DAPK1: variants seen among roughly 807,000 people sequenced by gnomAD.
The protein encoded by DAPK1 is death-associated protein kinase 1.
Under a neutral mutation model 144.9 loss-of-function variants are expected in DAPK1, and 56 were observed. The observed-to-expected ratio is 0.39, with a 90% confidence interval of 0.31 to 0.48. The LOEUF is 0.48. Ranked by LOEUF, DAPK1 falls within the 20% of genes least tolerant of loss-of-function variation. The pLI is 0.95. For synonymous variants in DAPK1, 690 were observed against 749.0 expected (o/e 0.92, Z 1.29); for missense variants, 1,454 against 1,875.4 (o/e 0.78, Z 4.15).
rs756576358 is a variant in DAPK1, at chr9:87,706,525, C to T, written c.3454C>T (p.Leu1152=). The T allele has an allele frequency of 6.2e-7, 1 of 1,614,082 alleles. No homozygotes were observed. Among genetic ancestry groups the T allele is most frequent in the Non-Finnish European group, 8.5e-7 (1 of 1,179,888 alleles). ...CATCTTTCACAAGGTCCAGGTGAAC[C>T]TGTGCCGGTGGATCCACCAGCAAAG... ...CGIFHKVQVN[L]CRWIHQQSTE... The change falls in exon 26 of 26, where the codon CTG becomes TTG. Residue 1152 remains leucine, a synonymous_variant. Transcript: ENST00000408954. The surrounding 1 kb of genome is among the most constrained non-coding windows in gnomAD (Gnocchi z 9.0).
chr9:87,698,290 G>T (rs533297596), intron 22 of DAPK1: 120 of 181,500 alleles, frequency 6.6e-4, no homozygotes, highest in African/African-American at 2.7e-3. Context: ...TCTCTGTGGT[G>T]TTGCTGCACT....
intron 2 of DAPK1, among the ~76,000 whole-genome samples, chr9:87,517,582 A>C (rs1026467210): frequency 1.3e-5 from 2 of 152,172 alleles, no homozygotes; most frequent in East Asian, 3.9e-4. Flanking sequence ...TCAGAATTAC[A>C]AAATCCTGAA....
intron 4 of DAPK1, 143 bp downstream of exon 4, chr9:87,638,224 G>A (rs1456108767): frequency 5.8e-6 from 5 of 868,320 alleles, no homozygotes; most frequent in Non-Finnish European, 8.5e-6. Flanking sequence ...ACTATAAATC[G>A]GCAAGCATAG....
chr9:87,578,375 A>T (rs1160409975), intron 2 of DAPK1, among the ~76,000 whole-genome samples: 1 of 152,236 alleles, frequency 6.6e-6, no homozygotes, highest in Non-Finnish European at 1.5e-5. Context: ...ATGTAGATTT[A>T]TCATAATTAG....
chr9:87,536,720 T>C (rs1825873312), intron 2 of DAPK1, among the ~76,000 whole-genome samples: 1 of 152,204 alleles, frequency 6.6e-6, no homozygotes, highest in Non-Finnish European at 1.5e-5. Flanking sequence ...TGCGTATTTA[T>C]AGCTACTTTT....
chr9:87,508,200 C>T (rs1468200159), intron 2 of DAPK1, among the ~76,000 whole-genome samples: 6 of 151,352 alleles, frequency 4.0e-5, no homozygotes, highest in South Asian at 2.1e-4. Flanking sequence ...TTAGTAGAGA[C>T]GGGGTTTCAC....
intron 11 of DAPK1, among the ~76,000 whole-genome samples, chr9:87,644,230 T>C (rs776357768): frequency 2.6e-4 from 39 of 152,206 alleles, no homozygotes; most frequent in Admixed American, 6.5e-4. Flanking sequence ...TAATCCAAAC[T>C]GAAACCTAAT....
intron 19 of DAPK1, among the ~76,000 whole-genome samples, chr9:87,676,543 G>A (rs1824390697): frequency 6.6e-6 from 1 of 152,246 alleles, no homozygotes; most frequent in South Asian, 2.1e-4. Context: ...AGATTTTCTT[G>A]TGAAGGGAAA....
At chr9:87,585,028 C>G (rs1018786699) in intron 2 of DAPK1, among the ~76,000 whole-genome samples, 33 of 152,152 alleles carry the variant, frequency 2.2e-4, no homozygotes, top group Non-Finnish European at 1.5e-5. Flanking sequence ...ATTTTAAAAT[C>G]AGGTTATTTG....
intron 2 of DAPK1, among the ~76,000 whole-genome samples, chr9:87,545,540 C>G (rs1826216323): frequency 6.6e-6 from 1 of 152,092 alleles, no homozygotes; most frequent in Non-Finnish European, 1.5e-5. Flanking sequence ...TGAGGCATTT[C>G]AGCTTTAAAA....
intron 2 of DAPK1, among the ~76,000 whole-genome samples, chr9:87,539,864 C>T (rs1403276571): frequency 1.3e-5 from 2 of 152,068 alleles, no homozygotes; most frequent in East Asian, 3.9e-4. Context: ...CACTCAGGAG[C>T]CCTCTGCGTA....
At chr9:87,508,007 T>C (rs541169162) in intron 2 of DAPK1, among the ~76,000 whole-genome samples, 3 of 152,366 alleles carry the variant, frequency 2.0e-5, no homozygotes, top group Admixed American at 1.3e-4. Context: ...CTTTTGAAAC[T>C]GTATAAACTT....
In DAPK1 at chr9:87,708,153, A is replaced by T; in HGVS notation, c.*789A>T. Reference sequence around the variant, plus strand: ...ACATTTTTCCGTTTGCTTTTGTTCCAATGTCAATGTGAACGTCCACATGAA... The same window carrying T: ...ACATTTTTCCGTTTGCTTTTGTTCCTATGTCAATGTGAACGTCCACATGAA... On this transcript the variant is annotated 3_prime_UTR_variant, in exon 26 of 26. Coordinates refer to ENST00000408954, the MANE Select transcript of DAPK1 (RefSeq NM_004938.4). The T allele has an allele frequency of 4.0e-6, 1 of 252,818 alleles. No homozygotes were observed. The highest frequency in any genetic ancestry group is 7.8e-6 in the Non-Finnish European group (1 of 128,066). The allele number at this position is 252,818 out of a possible 1,614,324, so 15.7% of individuals were successfully genotyped here.
At chr9:87,692,942 A>C (rs1825114521) in intron 21 of DAPK1, among the ~76,000 whole-genome samples, 1 of 102,734 alleles carries the variant, frequency 9.7e-6, no homozygotes. Flanking sequence ...TTCCCTTGTA[A>C]GTGACTAGAC....
At chr9:87,633,407 G>C (rs1829782714) in intron 3 of DAPK1, 1 of 984,884 alleles carries the variant, frequency 1.0e-6, no homozygotes. Context: ...CAGTTGATAA[G>C]TCCTGACCTA....
At chr9:87,590,085 C>T (rs1002628916) in intron 2 of DAPK1, among the ~76,000 whole-genome samples, 13 of 152,084 alleles carry the variant, frequency 8.5e-5, no homozygotes, top group African/African-American at 2.7e-4. Context: ...TGATTCTTGA[C>T]GTTTTCTAGG....
chr9:87,695,949 C>T lies in DAPK1; in HGVS notation c.2414-1058C>T, dbSNP rs140969797. Among the ~76,000 whole-genome samples the T allele has an allele frequency of 1.6e-3, 237 of 152,246 alleles. 5 individuals carry two copies. In the Middle Eastern group the frequency reaches 0.034, roughly 22 times the overall value. On this transcript the variant is annotated intron_variant, in intron 21 of 25. Coordinates refer to ENST00000408954, the MANE Select transcript of DAPK1 (RefSeq NM_004938.4). ...AAACCTAATGTGGGCAGTTTGTCCC[C>T]GGCTCCTTCCTTGTCAGGAGTAAAT...
Position 87,641,979 on chromosome 9 carries a change from C to T in DAPK1, c.839C>T (p.Thr280Ile), listed in dbSNP as rs1199953454. The change falls in exon 10 of 26, where the codon ACA becomes ATA. Residue 280 changes from threonine to isoleucine, a missense_variant. Transcript: ENST00000408954. The part of the protein sequence containing the change: ...LQHPWIKPKD[T>I]QQALSRKASA... ...GGATTTTTATTTTAGCCTAAAGATA[C>T]ACAACAGGCACTTAGTAGAAAAGCA... 1.9e-6 allele frequency: 3 copies of T among 1,611,560 alleles called. No homozygotes were observed. Among genetic ancestry groups the T allele is most frequent in the Middle Eastern group, 3.3e-4 (2 of 6,048 alleles).
intron 16 of DAPK1, among the ~76,000 whole-genome samples, chr9:87,650,948 A>G (rs558797663): frequency 3.9e-5 from 6 of 152,186 alleles, no homozygotes; most frequent in Admixed American, 6.5e-5. Flanking sequence ...GAAATGTTTC[A>G]GAACTCTCCA....
Sources: allele counts gnomAD v4.1 joint callset (sites outside exome capture counted in the v4.1 genomes callset), GRCh38; gene constraint gnomAD v4.1.1; non-coding constraint Gnocchi (gnomAD v3.1); transcripts MANE v1.5; gene names NCBI Gene and HGNC (gene_info 2026-07-23, HGNC 2026-07-21).